Variants in TJP2 observed in about 807,000 individuals in gnomAD.
The protein encoded by TJP2 is tight junction protein 2, also known as Friedreich ataxia region gene X104 (tight junction protein ZO-2).
In TJP2, 91 loss-of-function variants were observed where a neutral mutation model predicts 133.1. The ratio of observed to expected loss-of-function variants is 0.68; its 90% CI spans 0.58 to 0.81. The LOEUF (loss-of-function observed/expected upper bound fraction) is 0.81. TJP2 is among the 40% of genes least tolerant of loss of function. TJP2 has a pLI of 0.00. For synonymous variants in TJP2, 592 were observed against 583.4 expected, an observed-to-expected ratio of 1.01 and a Z score of -0.21; for missense variants, 1,541 against 1,565.6, an observed-to-expected ratio of 0.98 and a Z score of 0.26.
In TJP2 at chr9:69,181,240, C is replaced by CT. The variant is rs149100552; in HGVS notation, c.60+6834dup. On this transcript the variant is annotated intron_variant, in intron 1 of 22. Coordinates refer to ENST00000377245, the MANE Select transcript of TJP2 (RefSeq NM_004817.4). ...GTCTTGTGACTCTAGTTTGCAATTT[C>CT]TTTTTTTTTTTTTTTTTTTTTTTTT... Among the ~76,000 whole-genome samples, 37 of 73,186 alleles carry CT rather than the reference C, an allele frequency of 5.1e-4. 3 individuals carry two copies. The highest frequency in any genetic ancestry group is 2.6e-3 in the South Asian group (4 of 1,560). The allele number at this position is 73,186 out of a possible 152,430, so 48.0% of individuals were successfully genotyped here.
chr9:69,177,028 T>C (rs1825144984), intron 1 of TJP2, among the ~76,000 whole-genome samples: 2 of 152,200 alleles, frequency 1.3e-5, no homozygotes, highest in Non-Finnish European at 2.9e-5. Context: ...TTCAACATAT[T>C]CTACCAACAA....
chr9:69,181,240 C>CTTT (rs149100552), intron 1 of TJP2, among the ~76,000 whole-genome samples: 2 of 73,184 alleles, frequency 2.7e-5, no homozygotes, highest in Non-Finnish European at 4.9e-5. Context: ...TTTGCAATTT[C>CTTT]TTTTTTTTTT....
chr9:69,171,965 TTTG>T, upstream of TJP2, among the ~76,000 whole-genome samples: 1 of 151,972 alleles, frequency 6.6e-6, no homozygotes, highest in Non-Finnish European at 1.5e-5. Context: ...CCAGCTAATT[TTTG>T]TTATTTTTAG....
At chr9:69,163,839 T>G (rs1326883662) in intron 2 of TJP2, among the ~76,000 whole-genome samples, 1 of 152,176 alleles carries the variant, frequency 6.6e-6, no homozygotes, top group East Asian at 1.9e-4. Flanking sequence ...GTAATCTTTC[T>G]GTCTTGTGTC....
chr9:69,196,978 T>C lies in TJP2; in HGVS notation c.61-15570T>C, dbSNP rs556106451. Among the ~76,000 whole-genome samples, 470 of 77,980 alleles carry C rather than the reference T, an allele frequency of 6.0e-3. 7 individuals are homozygous for C. In the East Asian group the frequency reaches 0.12, roughly 19 times the overall value. The allele number at this position is 77,980 out of a possible 152,430, so 51.2% of individuals were successfully genotyped here. On this transcript the variant is annotated intron_variant, in intron 1 of 22. Transcript: ENST00000377245. ...ACACACACACACACACACACACACA[T>C]GTTTTCTGGAGGCAGAGTCTCACTC...
intron 7 of TJP2, among the ~76,000 whole-genome samples, chr9:69,226,934 C>G (rs1440409815): frequency 6.6e-6 from 1 of 152,190 alleles, no homozygotes; most frequent in East Asian, 1.9e-4. Context: ...CAGTCTGCAT[C>G]ACCTCTTCCC....
intron 1 of TJP2, among the ~76,000 whole-genome samples, chr9:69,132,135 C>T (rs1254029670): frequency 6.6e-6 from 1 of 152,222 alleles, no homozygotes; most frequent in Admixed American, 6.5e-5. Flanking sequence ...TTATAAGGGA[C>T]TCACTGCCCC....
intron 1 of TJP2, among the ~76,000 whole-genome samples, chr9:69,190,895 T>C (rs1231004542): frequency 6.6e-6 from 1 of 152,254 alleles, no homozygotes; most frequent in Non-Finnish European, 1.5e-5. Flanking sequence ...ATTTTGCCTC[T>C]TGTAGTGGCA....
chr9:69,198,412 G>T (rs569026771), intron 1 of TJP2, among the ~76,000 whole-genome samples: 1 of 152,188 alleles, frequency 6.6e-6, no homozygotes, highest in African/African-American at 2.4e-5. Context: ...AAGGTGCTGG[G>T]ATTACAGGCG....
chr9:69,132,321 G>T lies in TJP2; in HGVS notation c.-131+10596G>T, dbSNP rs1822530617. On this transcript the variant is annotated intron_variant, in intron 1 of 5. Coordinates refer to the TJP2 transcript ENST00000423935. The stretch of plus-strand genomic sequence containing the variant: ...TGGGAATCCAAATTCCCAGGCATCA[G>T]CTGAGAGCCACCTTGTAAGTGGGTC... Among the ~76,000 whole-genome samples, 5 of 152,246 alleles carry T rather than the reference G, an allele frequency of 3.3e-5. No individual in the cohort carries two copies. The South Asian group carries it at 1.0e-3, about 31-fold the overall frequency.
At chr9:69,197,809 T>A (rs1826694103) in intron 1 of TJP2, among the ~76,000 whole-genome samples, 1 of 152,188 alleles carries the variant, frequency 6.6e-6, no homozygotes, top group Admixed American at 6.5e-5. Flanking sequence ...GGACTGAGCT[T>A]AGACCCAGGT....
chr9:69,192,471 G>C, intron 1 of TJP2, among the ~76,000 whole-genome samples: 1 of 152,068 alleles, frequency 6.6e-6, no homozygotes, highest in East Asian at 1.9e-4. Flanking sequence ...GACATTGTCT[G>C]TCTCTTGGTC....
At chr9:69,156,523 ATTTTTTTTTTTT>A (rs71354318) in intron 2 of TJP2, among the ~76,000 whole-genome samples, 1 of 81,148 alleles carries the variant, frequency 1.2e-5, no homozygotes, top group African/African-American at 5.4e-5. Flanking sequence ...TACATGTAAG[ATTTTTTTTTTTT>A]TTTTTTTTTT....
chr9:69,187,198 G>C (rs916628760), intron 1 of TJP2, among the ~76,000 whole-genome samples: 4 of 152,102 alleles, frequency 2.6e-5, no homozygotes, highest in Admixed American at 1.3e-4. Flanking sequence ...GTCTATGTGG[G>C]GGAAAAACAT....
At chr9:69,159,415 TTG>T (rs1823946013) in intron 2 of TJP2, among the ~76,000 whole-genome samples, 1 of 152,124 alleles carries the variant, frequency 6.6e-6, no homozygotes, top group African/African-American at 2.4e-5. Flanking sequence ...AATATTGATA[TTG>T]ATATACAAGT....
Position 69,221,009 on chromosome 9 carries a change from C to T in TJP2, c.465C>T (p.Tyr155=). ...ATGGCAGAAGTTTCCGGAGTGGCTACAGCGAGAGGAGCCGGCTGAACAGCC... is the reference window on the plus strand; with the variant it reads ...ATGGCAGAAGTTTCCGGAGTGGCTATAGCGAGAGGAGCCGGCTGAACAGCC... ...EFDGRSFRSG[Y]SERSRLNSHG... is the part of the protein sequence containing the mutation. Residue 155 remains tyrosine, a synonymous_variant, in exon 5 of 23, where the codon TAC becomes TAT. Coordinates refer to ENST00000377245, the MANE Select transcript of TJP2 (RefSeq NM_004817.4). 1 of 1,611,184 alleles carries T rather than the reference C, an allele frequency of 6.2e-7. No homozygotes were observed. Among genetic ancestry groups the T allele is most frequent in the Non-Finnish European group, 8.5e-7 (1 of 1,179,324 alleles).
chr9:69,252,432 T>C (rs1180171474), intron 21 of TJP2, among the ~76,000 whole-genome samples: 2 of 152,122 alleles, frequency 1.3e-5, no homozygotes, highest in Non-Finnish European at 2.9e-5. Flanking sequence ...AACTCACCAC[T>C]CTCCTCTCCC....
chr9:69,145,912 G>A (rs1450434721), intron 1 of TJP2: 2 of 662,990 alleles, frequency 3.0e-6, no homozygotes, highest in Non-Finnish European at 4.3e-6. Flanking sequence ...CCTCTGTCTT[G>A]TGGGGATAAT....
chr9:69,237,270 C>A, intron 14 of TJP2, 134 bp downstream of exon 14: 1 of 1,058,816 alleles, frequency 9.4e-7, no homozygotes, highest in African/African-American at 1.6e-5. Flanking sequence ...GAGTTGAAAT[C>A]AAATTCTAAC....
Sources: gnomAD v4.1 joint callset for allele counts (sites outside exome capture counted in the v4.1 genomes callset) on GRCh38, gnomAD v4.1.1 for gene constraint, MANE v1.5 for transcripts, NCBI Gene and HGNC (gene_info 2026-07-23, HGNC 2026-07-21) for gene names.